The following PTPRT variants were observed in gnomAD, a reference collection of about 807,000 sequenced individuals.
The protein encoded by PTPRT is receptor-type tyrosine-protein phosphatase T.
PTPRT carries 56 observed loss-of-function variants against 176.8 expected under a neutral mutation model. The ratio of observed to expected loss-of-function variants is 0.32; its 90% CI spans 0.26 to 0.40. The LOEUF is 0.40. Among genes scored for constraint, PTPRT ranks in the 10% least tolerant of loss-of-function variants. PTPRT has a pLI of 1.00. For synonymous variants in PTPRT, 783 were observed against 739.0 expected (o/e 1.06, Z -0.96); for missense variants, 1,540 against 1,908.2 (o/e 0.81, Z 3.60).
chr20:42,380,655 G>A (rs1034599863), intron 9 of PTPRT, among the ~76,000 whole-genome samples: 2 of 152,190 alleles, frequency 1.3e-5, no homozygotes, highest in Non-Finnish European at 2.9e-5. Context: ...GGCTCTTAGC[G>A]TAGCTTTGCA....
chr20:42,259,011 T>C (rs1022352685), intron 13 of PTPRT, among the ~76,000 whole-genome samples: 4 of 152,232 alleles, frequency 2.6e-5, no homozygotes, highest in African/African-American at 9.6e-5. Context: ...AACTGCTAAA[T>C]ATTGCTGACA....
chr20:43,055,364 G>A (rs1987194934), intron 1 of PTPRT, among the ~76,000 whole-genome samples: 1 of 152,152 alleles, frequency 6.6e-6, no homozygotes, highest in Non-Finnish European at 1.5e-5. Context: ...TCAACTAAGG[G>A]GGCAGGAAAA....
chr20:42,125,851 T>C (rs539771388), intron 19 of PTPRT, among the ~76,000 whole-genome samples: 1 of 152,266 alleles, frequency 6.6e-6, no homozygotes, highest in South Asian at 2.1e-4. Flanking sequence ...AAATGATGAA[T>C]GCCAGATACA....
intron 1 of PTPRT, among the ~76,000 whole-genome samples, chr20:43,047,344 AG>A (rs1242269981): frequency 1.3e-5 from 2 of 152,098 alleles, no homozygotes; most frequent in African/African-American, 2.4e-5. Flanking sequence ...TTCTTTTAAG[AG>A]GGGGAAATGG....
At chr20:42,816,484 T>C (rs544137039) in intron 2 of PTPRT, among the ~76,000 whole-genome samples, 1 of 152,332 alleles carries the variant, frequency 6.6e-6, no homozygotes, top group South Asian at 2.1e-4. Flanking sequence ...AAATCTCATC[T>C]TGAATTGCAA....
intron 1 of PTPRT, among the ~76,000 whole-genome samples, chr20:43,000,061 AGGAG>A (rs3030231): frequency 0.062 from 5,044 of 81,836 alleles, 596 homozygotes; most frequent in African/African-American, 0.23. Flanking sequence ...GAAGAAGGGA[AGGAG>A]GGAGGGAGGG....
At chr20:42,445,957 C>A (rs955758280) in intron 9 of PTPRT, among the ~76,000 whole-genome samples, 2 of 152,152 alleles carry the variant, frequency 1.3e-5, no homozygotes, top group Non-Finnish European at 2.9e-5. Flanking sequence ...TGTGTTTAGA[C>A]CCTTGCTCTC....
At chr20:42,606,034 A>C (rs887498689) in intron 7 of PTPRT, among the ~76,000 whole-genome samples, 1 of 152,228 alleles carries the variant, frequency 6.6e-6, no homozygotes, top group African/African-American at 2.4e-5. Context: ...TTCAGGCTAC[A>C]GGATCAGAAT....
chr20:42,804,636 G>T (rs1236735564), intron 2 of PTPRT, among the ~76,000 whole-genome samples: 1 of 152,258 alleles, frequency 6.6e-6, no homozygotes, highest in African/African-American at 2.4e-5. Context: ...TCGTCTCACA[G>T]TCCTGGAGGC....
intron 25 of PTPRT, 148 bp downstream of exon 25, chr20:42,104,420 TG>T: frequency 1.1e-6 from 1 of 916,660 alleles, no homozygotes; most frequent in Non-Finnish European, 1.6e-6. Flanking sequence ...CCCCAGACAC[TG>T]GATTTACTGG....
intron 6 of PTPRT, chr20:42,687,518 AT>A (rs1483719559): frequency 6.6e-6 from 1 of 152,236 alleles, no homozygotes; most frequent in African/African-American, 2.4e-5. Context: ...CAGAGTAAAC[AT>A]TCTAGAAGAG....
Position 42,078,772 on chromosome 20 carries a change from C to A in PTPRT, c.*2107G>T, listed in dbSNP as rs116997922. ...GCCTTTTCACATTTCTTTGCCATTG[C>A]ACATATGGATCCCTTTGCCTGAGTT... On this transcript the variant is annotated 3_prime_UTR_variant, in exon 31 of 31. Transcript: ENST00000373187. 382 of 176,404 alleles carry A rather than the reference C, an allele frequency of 2.2e-3. No individual in the cohort carries two copies. Among genetic ancestry groups the A allele is most frequent in the Non-Finnish European group, 3.2e-3 (260 of 81,898 alleles). 10.9% of individuals were successfully genotyped at this position (176,404 alleles called of 1,614,324 possible).
intron 1 of PTPRT, among the ~76,000 whole-genome samples, chr20:43,067,251 T>C (rs973117455): frequency 1.3e-5 from 2 of 152,190 alleles, no homozygotes; most frequent in African/African-American, 2.4e-5. Context: ...ATTTAATGTA[T>C]ATGAAATATC....
intron 6 of PTPRT, among the ~76,000 whole-genome samples, chr20:42,739,061 AAAC>A (rs1205567126): frequency 1.3e-5 from 2 of 152,150 alleles, no homozygotes; most frequent in Admixed American, 6.5e-5. Flanking sequence ...CCCTGTCTCA[AAAC>A]AACAACAACA....
At chr20:43,115,936 C>T (rs893299655) in intron 1 of PTPRT, among the ~76,000 whole-genome samples, 1 of 152,180 alleles carries the variant, frequency 6.6e-6, no homozygotes, top group Non-Finnish European at 1.5e-5. Context: ...TGACTTTGTC[C>T]TCAAATAAAC....
At chr20:42,402,292 C>T (rs2058916067) in intron 9 of PTPRT, among the ~76,000 whole-genome samples, 2 of 151,860 alleles carry the variant, frequency 1.3e-5, no homozygotes, top group South Asian at 4.2e-4. Flanking sequence ...TTGATTAAGC[C>T]AGGTGGAGTG....
intron 6 of PTPRT, among the ~76,000 whole-genome samples, chr20:42,721,869 A>C (rs1430867876): frequency 6.6e-6 from 1 of 152,182 alleles, no homozygotes. Context: ...CATCAGTAAA[A>C]TGCCATTTAG....
At chr20:42,391,955 C>T (rs370454685) in intron 9 of PTPRT, among the ~76,000 whole-genome samples, 2 of 152,158 alleles carry the variant, frequency 1.3e-5, no homozygotes, top group East Asian at 1.9e-4. Flanking sequence ...AACATTGCCA[C>T]GGGCTCTATT....
At chr20:42,845,790 T>C (rs1438007152) in intron 2 of PTPRT, among the ~76,000 whole-genome samples, 1 of 152,064 alleles carries the variant, frequency 6.6e-6, no homozygotes, top group Non-Finnish European at 1.5e-5. Context: ...CCTCAGGAAA[T>C]CAGAGATAGC....
Sources: gnomAD v4.1 joint callset for allele counts (sites outside exome capture counted in the v4.1 genomes callset) on GRCh38, gnomAD v4.1.1 for gene constraint, MANE v1.5 for transcripts, NCBI Gene and HGNC (gene_info 2026-07-23, HGNC 2026-07-21) for gene names.